The following DNAH8 variants were observed in gnomAD, a reference collection of about 807,000 sequenced individuals.
DNAH8 encodes the protein dynein axonemal heavy chain 8.
A neutral mutation model predicts 562.1 loss-of-function variants in DNAH8; 382 were observed. The ratio of observed to expected loss-of-function variants is 0.68; its 90% CI spans 0.63 to 0.74. The LOEUF (loss-of-function observed/expected upper bound fraction) is 0.74. Among genes scored for constraint, DNAH8 ranks in the 30% least tolerant of loss-of-function variants. DNAH8 has a pLI of 0.00. For missense variants in DNAH8, 5,203 were observed against 5,620.4 expected, an observed-to-expected ratio of 0.93 and a Z score of 2.37; for synonymous variants, 1,881 against 1,919.4, an observed-to-expected ratio of 0.98 and a Z score of 0.52.
At chr6:38,942,359 G>C (rs1282206087) in intron 79 of DNAH8, among the ~76,000 whole-genome samples, 1 of 152,170 alleles carries the variant, frequency 6.6e-6, no homozygotes, top group Non-Finnish European at 1.5e-5. Context: ...GGGAAACCTG[G>C]TGCCTGGGTC....
At chr6:38,924,732 C>A (rs1370007960) in intron 73 of DNAH8, among the ~76,000 whole-genome samples, 2 of 152,166 alleles carry the variant, frequency 1.3e-5, no homozygotes, top group South Asian at 2.1e-4. Flanking sequence ...TATAACTCTT[C>A]ATTATTTACA....
chr6:38,793,367 A>T (rs1255451007), intron 21 of DNAH8, among the ~76,000 whole-genome samples: 1 of 151,668 alleles, frequency 6.6e-6, no homozygotes, highest in Non-Finnish European at 1.5e-5. Flanking sequence ...GTTTAAGATG[A>T]TTATATCTTC....
chr6:38,916,485 A>G (rs1269922005), intron 68 of DNAH8, among the ~76,000 whole-genome samples: 1 of 152,184 alleles, frequency 6.6e-6, no homozygotes, highest in Non-Finnish European at 1.5e-5. Flanking sequence ...AGAGGTTATG[A>G]GGACAAGACT....
At chr6:38,924,947 TC>T (rs1364708660) in intron 73 of DNAH8, 1 of 152,246 alleles carries the variant, frequency 6.6e-6, no homozygotes, top group Non-Finnish European at 1.5e-5. Flanking sequence ...ACTGTCAATT[TC>T]CGGTATATCT....
chr6:38,774,308 T>C (rs570357923), intron 12 of DNAH8, among the ~76,000 whole-genome samples: 1 of 152,222 alleles, frequency 6.6e-6, no homozygotes, highest in South Asian at 2.1e-4. Context: ...CCACTCATGG[T>C]GATGCTGAGA....
At chr6:38,969,229 A>C (rs933770054) in intron 82 of DNAH8, among the ~76,000 whole-genome samples, 1 of 152,206 alleles carries the variant, frequency 6.6e-6, no homozygotes, top group African/African-American at 2.4e-5. Flanking sequence ...ATATTTTAAA[A>C]TATTAAAGTA....
intron 37 of DNAH8, 68 bp downstream of exon 37, chr6:38,848,869 G>A: frequency 6.7e-7 from 1 of 1,485,976 alleles, no homozygotes; most frequent in Non-Finnish European, 9.3e-7. Flanking sequence ...CTCTGTAAAA[G>A]TCTTCACAAA....
chr6:38,796,604 T>C (rs944457544), intron 21 of DNAH8, among the ~76,000 whole-genome samples: 5 of 152,178 alleles, frequency 3.3e-5, no homozygotes, highest in Non-Finnish European at 2.9e-5. Context: ...TATCTATAGA[T>C]TCCAGACATT....
Position 38,906,361 on chromosome 6 carries a change from A to T in DNAH8, c.9302A>T (p.Asp3101Val). ...ATCTTTACTGACAGTGAAATAAAAG[A>T]TGAGGCATTTCTAGAATACCTTAAC... is the stretch of plus-strand genomic sequence containing the variant. ...TFIFTDSEIKDEAFLEYLNNL... is the reference protein window; with the variant it reads ...TFIFTDSEIKVEAFLEYLNNL... The change falls in exon 63 of 93, where the codon GAT becomes GTT. Residue 3101 changes from aspartate (D) to valine (V), a missense_variant. Transcript: ENST00000327475. 1 of 1,611,178 alleles carries T rather than the reference A, an allele frequency of 6.2e-7. No homozygotes were observed. Among genetic ancestry groups the T allele is most frequent in the Non-Finnish European group, 8.5e-7 (1 of 1,178,848 alleles).
intron 82 of DNAH8, among the ~76,000 whole-genome samples, chr6:38,968,308 A>C (rs1468602168): frequency 6.6e-6 from 1 of 152,206 alleles, no homozygotes; most frequent in Non-Finnish European, 1.5e-5. Flanking sequence ...ACTTCATCAA[A>C]ATGTAAAACT....
intron 33 of DNAH8, 136 bp downstream of exon 33, chr6:38,838,178 C>T: frequency 1.7e-6 from 1 of 586,078 alleles, no homozygotes; most frequent in Non-Finnish European, 2.9e-6. Context: ...CTCCTTATTC[C>T]AGCTATTCTT....
chr6:38,782,967 A>C (rs1339413428), intron 16 of DNAH8, 37 bp from the exon 17 acceptor site: 1 of 1,563,374 alleles, frequency 6.4e-7, no homozygotes, highest in Non-Finnish European at 8.8e-7. Context: ...AACATTCAGC[A>C]GTCTTTTAAA....
chr6:39,007,075 C>G (rs1765845195), intron 88 of DNAH8, among the ~76,000 whole-genome samples: 2 of 151,980 alleles, frequency 1.3e-5, no homozygotes, highest in Admixed American at 6.6e-5. Flanking sequence ...TTTATTTGAC[C>G]CTGAGGATTT....
intron 73 of DNAH8, among the ~76,000 whole-genome samples, chr6:38,924,759 A>G (rs1781976673): frequency 6.6e-6 from 1 of 152,168 alleles, no homozygotes; most frequent in African/African-American, 2.4e-5. Flanking sequence ...CTGTGAAGTC[A>G]TACTCTCTTT....
chr6:38,737,914 C>G lies in DNAH8; in HGVS notation c.1058C>G (p.Ser353Ter), dbSNP rs1376514856. 6.2e-7 allele frequency: 1 copy of G among 1,608,084 alleles called. No homozygotes were observed. The highest frequency in any genetic ancestry group is 8.5e-7 in the Non-Finnish European group (1 of 1,177,654). ...GAAGTAACTGCTGCAGCCAGCAACTCAGAAACTGTTCATCAGCTGGAGGAA... is the reference window on the plus strand; with the variant it reads ...GAAGTAACTGCTGCAGCCAGCAACTGAGAAACTGTTCATCAGCTGGAGGAA... ...FEEVTAAASN[S>*]ETVHQLEEVL... Residue 353 changes from serine (S) to a stop codon, truncating the protein, a stop_gained, in exon 7 of 93, where the codon TCA becomes TGA. Transcript: ENST00000327475. LOFTEE classifies it high-confidence loss of function.
chr6:38,908,998 T>C (rs1780684954), intron 64 of DNAH8, among the ~76,000 whole-genome samples: 1 of 152,218 alleles, frequency 6.6e-6, no homozygotes, highest in East Asian at 1.9e-4. Flanking sequence ...GGCAGCCTGC[T>C]TCATTCTTGG....
intron 88 of DNAH8, among the ~76,000 whole-genome samples, chr6:39,007,672 G>A (rs1026495977): frequency 2.6e-5 from 4 of 151,996 alleles, no homozygotes; most frequent in Non-Finnish European, 5.9e-5. Flanking sequence ...CTCTGTCCTT[G>A]TCGCTCCTCC....
Position 38,917,336 on chromosome 6 carries a change from A to G in DNAH8, c.10238A>G (p.Lys3413Arg). ...GACTGTGTTCTGTTACTATTTCAAA[A>G]GAAAATTGACCCTGTTACTATGGAT... ...IMDCVLLLFQ[K>R]KIDPVTMDPE... The change falls in exon 69 of 93, where the codon AAG becomes AGG. Residue 3413 changes from lysine (K) to arginine (R), a missense_variant. Lys to Arg is a conservative substitution (Grantham distance 26). Transcript: ENST00000327475. 6.2e-7 allele frequency: 1 copy of G among 1,613,768 alleles called. No homozygotes were observed. Among genetic ancestry groups the G allele is most frequent in the Non-Finnish European group, 8.5e-7 (1 of 1,179,728 alleles).
intron 20 of DNAH8, among the ~76,000 whole-genome samples, chr6:38,790,691 C>T (rs750444293): frequency 5.9e-5 from 9 of 151,824 alleles, no homozygotes; most frequent in Non-Finnish European, 1.0e-4. Context: ...GACATGGTGG[C>T]GGGCACCTGT....
Sources: gnomAD v4.1 joint callset for allele counts (sites outside exome capture counted in the v4.1 genomes callset) on GRCh38, gnomAD v4.1.1 for gene constraint, MANE v1.5 for transcripts, NCBI Gene and HGNC (gene_info 2026-07-23, HGNC 2026-07-21) for gene names.